PRKAG2: variants seen among roughly 807,000 people sequenced by gnomAD.
PRKAG2 encodes protein kinase AMP-activated non-catalytic subunit gamma 2, also known as 5'-AMP-activated protein kinase subunit gamma-2.
Under a neutral mutation model 69.6 loss-of-function variants are expected in PRKAG2, and 26 were observed. The observed-to-expected ratio is 0.37, with a 90% CI of 0.27 to 0.52. The LOEUF is 0.52. Ranked by LOEUF, PRKAG2 falls within the 20% of genes least tolerant of loss-of-function variation. PRKAG2 has a pLI of 0.90. For missense variants in PRKAG2, 557 were observed against 740.0 expected (o/e 0.75, Z 2.87); for synonymous variants, 293 against 285.0 (o/e 1.03, Z -0.28).
rs146188834 is a variant in PRKAG2, at chr7:151,656,775, A to G, written c.684+18645T>C. Among the ~76,000 whole-genome samples, 16 of 152,244 alleles carry G rather than the reference A, an allele frequency of 1.1e-4. No individual in the cohort carries two copies. In the East Asian group the frequency reaches 1.7e-3, roughly 17 times the overall value. On this transcript the variant is annotated intron_variant, in intron 4 of 15. Transcript: ENST00000287878. ...TGATTTAAGAATGAAAGGTAACTTGATTGTATTGGATCAGTAGTTTGATTC... is the reference window on the plus strand; with the variant it reads ...TGATTTAAGAATGAAAGGTAACTTGGTTGTATTGGATCAGTAGTTTGATTC...
intron 1 of PRKAG2, among the ~76,000 whole-genome samples, chr7:151,799,555 T>A (rs1162928458): frequency 6.6e-6 from 1 of 152,212 alleles, no homozygotes; most frequent in Non-Finnish European, 1.5e-5. Flanking sequence ...TTATTGTACA[T>A]GAATCTGTGA....
chr7:151,656,418 T>C (rs1829426898), intron 4 of PRKAG2, among the ~76,000 whole-genome samples: 1 of 152,146 alleles, frequency 6.6e-6, no homozygotes. Context: ...TAGCTGCACA[T>C]GGTGGTGTGC....
intron 1 of PRKAG2, among the ~76,000 whole-genome samples, chr7:151,851,829 C>G (rs911484810): frequency 6.6e-6 from 1 of 152,150 alleles, no homozygotes; most frequent in African/African-American, 2.4e-5. Flanking sequence ...GAAATGTGCA[C>G]GTCCTCACTC....
At chr7:151,705,744 T>C (rs1321676239) in intron 3 of PRKAG2, among the ~76,000 whole-genome samples, 1 of 152,174 alleles carries the variant, frequency 6.6e-6, no homozygotes, top group African/African-American at 2.4e-5. Context: ...CTCTCCAGGC[T>C]CTGGGGTCCC....
At chr7:151,666,950 G>T (rs575512408) in intron 4 of PRKAG2, among the ~76,000 whole-genome samples, 2 of 152,294 alleles carry the variant, frequency 1.3e-5, no homozygotes, top group African/African-American at 4.8e-5. Flanking sequence ...GAAATGAAGG[G>T]TATTTTCCCA....
At chr7:151,706,796 G>A (rs1303169949) in intron 3 of PRKAG2, among the ~76,000 whole-genome samples, 1 of 152,220 alleles carries the variant, frequency 6.6e-6, no homozygotes, top group Non-Finnish European at 1.5e-5. Context: ...TTCCGGCAAT[G>A]GCTTCTGCTT....
At chr7:151,820,952 C>A (rs571698969) in intron 1 of PRKAG2, among the ~76,000 whole-genome samples, 43 of 2,684 alleles carry the variant, frequency 0.016, no homozygotes, top group African/African-American at 0.044. Flanking sequence ...CTTAGGACCC[C>A]CCCCAGCCAG....
chr7:151,560,384 C>T (rs536469873), intron 15 of PRKAG2, 140 bp downstream of exon 15: 25 of 1,570,050 alleles, frequency 1.6e-5, no homozygotes, highest in South Asian at 8.0e-5. Flanking sequence ...GAAGAGAAAA[C>T]GAAAATGGTT....
At chr7:151,558,378 T>C (rs758785226) in intron 15 of PRKAG2, 1 of 985,454 alleles carries the variant, frequency 1.0e-6, no homozygotes, top group Non-Finnish European at 1.2e-6. Context: ...TGCGCCTCAT[T>C]GCACACACAT....
At position 151,777,069 on chromosome 7, in the gene PRKAG2, G is replaced by C. The variant is rs2076399996; in HGVS notation, c.466+4083C>G. Among the ~76,000 whole-genome samples the C allele has an allele frequency of 6.6e-6, 1 of 152,170 alleles. No homozygotes were observed. Among genetic ancestry groups the C allele is most frequent in the Non-Finnish European group, 1.5e-5 (1 of 68,024 alleles). On this transcript the variant is annotated intron_variant, in intron 3 of 15. Coordinates refer to ENST00000287878, the MANE Select transcript of PRKAG2 (RefSeq NM_016203.4). The surrounding 1 kb of genome is among the most constrained non-coding windows in gnomAD (Gnocchi z 4.3). ...AGATGGGTTGGGGGACTCACTCTCT[G>C]ACTCCACCTGCCTGTCTCGGCCCCT...
At chr7:151,627,328 A>G (rs1009386259) in intron 5 of PRKAG2, among the ~76,000 whole-genome samples, 1 of 152,202 alleles carries the variant, frequency 6.6e-6, no homozygotes, top group African/African-American at 2.4e-5. Flanking sequence ...CAGTTTTGCT[A>G]GAAACAAGCA....
intron 5 of PRKAG2, among the ~76,000 whole-genome samples, chr7:151,621,624 G>A (rs1821509460): frequency 6.6e-6 from 1 of 152,196 alleles, no homozygotes; most frequent in African/African-American, 2.4e-5. Context: ...CCAGGCTGGA[G>A]TGCAGTGGTG....
intron 1 of PRKAG2, among the ~76,000 whole-genome samples, chr7:151,801,554 G>A (rs1031603067): frequency 6.6e-6 from 1 of 152,218 alleles, no homozygotes; most frequent in African/African-American, 2.4e-5. Context: ...CTGGTTCATC[G>A]GGGAGACTAC....
Position 151,835,080 on chromosome 7 carries a change from T to A in PRKAG2, c.114+41427A>T, listed in dbSNP as rs577984289. Among the ~76,000 whole-genome samples the A allele has an allele frequency of 6.6e-6, 1 of 152,336 alleles. No individual in the cohort carries two copies. The highest frequency in any genetic ancestry group is 2.4e-5 in the African/African-American group (1 of 41,572). ...AGGGCCAGCCTGCTCCAATGTGGCC[T>A]CATCAAAACTCATCACATCGGAAAC... On this transcript the variant is annotated intron_variant, in intron 1 of 15. Transcript: ENST00000287878. This position sits in a 1 kb window ranked among gnomAD's most constrained non-coding sequence, Gnocchi z 4.1.
chr7:151,618,592 C>T (rs1004388841), intron 5 of PRKAG2, among the ~76,000 whole-genome samples: 1 of 151,834 alleles, frequency 6.6e-6, no homozygotes, highest in East Asian at 1.9e-4. Flanking sequence ...TGGTGAAACC[C>T]CGTCTCTACT....
chr7:151,574,748 G>A lies in PRKAG2; in HGVS notation c.1005+143C>T, dbSNP rs111384757. On this transcript the variant is annotated intron_variant, in intron 8 of 15. Transcript: ENST00000287878. ...ACTGAAGTTCCCTGCATGTTATATA[G>A]ATTTGGAAAATCACCATCAGCACAC... 9.5e-6 allele frequency: 11 copies of A among 1,158,392 alleles called. 1 individual carries two copies. The highest frequency in any genetic ancestry group is 2.8e-5 in the Admixed American group (1 of 35,872). 71.8% of individuals were successfully genotyped at this position (1,158,392 alleles called of 1,614,324 possible). A position where few individuals can be genotyped will look rare whatever the true frequency, so the allele number is the denominator to read the frequency against.
At chr7:151,724,287 A>G (rs1056849434) in intron 3 of PRKAG2, among the ~76,000 whole-genome samples, 1 of 152,098 alleles carries the variant, frequency 6.6e-6, no homozygotes. Flanking sequence ...GTCGCTTTGC[A>G]TACAGGGCCC....
intron 3 of PRKAG2, among the ~76,000 whole-genome samples, chr7:151,687,201 C>G (rs1354469786): frequency 2.0e-5 from 3 of 152,208 alleles, no homozygotes; most frequent in Admixed American, 6.5e-5. Context: ...GCTGTCTGCC[C>G]TGTTCCTTCT....
At chr7:151,599,724 G>A (rs1373058573) in intron 5 of PRKAG2, among the ~76,000 whole-genome samples, 1 of 152,182 alleles carries the variant, frequency 6.6e-6, no homozygotes, top group Non-Finnish European at 1.5e-5. Flanking sequence ...AGGATGCACA[G>A]CTCAGGCCAT....
Sources: gnomAD v4.1 joint callset for allele counts (sites outside exome capture counted in the v4.1 genomes callset) on GRCh38, gnomAD v4.1.1 for gene constraint, Gnocchi (gnomAD v3.1) non-coding constraint, MANE v1.5 for transcripts, NCBI Gene and HGNC (gene_info 2026-07-23, HGNC 2026-07-21) for gene names.